The following DMC1 variants were observed in gnomAD, a reference collection of about 807,000 sequenced individuals.
DMC1 encodes DNA meiotic recombinase 1.
In DMC1, 27 loss-of-function variants were observed where a neutral mutation model predicts 50.1. The ratio of observed to expected loss-of-function variants is 0.54; its 90% CI spans 0.40 to 0.74. The LOEUF (loss-of-function observed/expected upper bound fraction) is 0.74. DMC1 is among the 30% of genes least tolerant of loss of function. The pLI is 0.00. For synonymous variants in DMC1, 148 were observed against 136.1 expected (o/e 1.09, Z -0.61); for missense variants, 295 against 420.2 (o/e 0.70, Z 2.60).
At chr22:38,549,111 A>G (rs2090375878) in intron 8 of DMC1, among the ~76,000 whole-genome samples, 7 of 152,154 alleles carry the variant, frequency 4.6e-5, no homozygotes, top group Admixed American at 4.6e-4. Context: ...CTTGCCTAGA[A>G]TATTGCTAAA....
chr22:38,515,009 A>T (rs62228901), downstream of DMC1, among the ~76,000 whole-genome samples: 2 of 146,934 alleles, frequency 1.4e-5, no homozygotes, highest in African/African-American at 5.1e-5. Context: ...CTGGGACTAC[A>T]GGTGCCAGCC....
intron 8 of DMC1, among the ~76,000 whole-genome samples, chr22:38,545,273 TG>T (rs2090331094): frequency 1.3e-5 from 2 of 152,044 alleles, no homozygotes; most frequent in African/African-American, 4.8e-5. Context: ...TAGCTGGGCA[TG>T]GTGGCACGCA....
chr22:38,513,056 G>C, the DMC1 span, among the ~76,000 whole-genome samples: 1 of 151,766 alleles, frequency 6.6e-6, no homozygotes, highest in African/African-American at 2.4e-5. Context: ...TGCACTCCAG[G>C]CTGGGTGACA....
rs1481396961 is a variant in DMC1, at chr22:38,568,208, C to T, written c.49G>A (p.Glu17Lys). 3 of 1,613,952 alleles carry T rather than the reference C, an allele frequency of 1.9e-6. No homozygotes were observed. In the East Asian group the frequency reaches 6.7e-5, roughly 36 times the overall value. ...ATCTTTCAACATTTTAGTCATACCT[C>T]TTCATCTTGGAATCCTGGTTCTTCC... ...VAEEPGFQDE[E>K]ESLFQDIDLL... Residue 17 changes from glutamate to lysine, a missense_variant and splice_region_variant, in exon 2 of 14, where the codon GAG becomes AAG. Glu to Lys is a moderately conservative substitution (Grantham distance 56, BLOSUM62 1). Transcript: ENST00000216024.
intron 12 of DMC1, among the ~76,000 whole-genome samples, chr22:38,527,406 T>C (rs767614572): frequency 2.0e-5 from 3 of 151,960 alleles, no homozygotes; most frequent in Non-Finnish European, 4.4e-5. Context: ...AGATTCACCA[T>C]GTTGGCCAGG....
At chr22:38,558,082 C>T (rs897728484) in intron 5 of DMC1, among the ~76,000 whole-genome samples, 3 of 149,972 alleles carry the variant, frequency 2.0e-5, no homozygotes, top group African/African-American at 7.4e-5. Flanking sequence ...CTGCATCAGC[C>T]TCCTGAGTAG....
intron 8 of DMC1, chr22:38,545,794 C>A (rs1472157679): frequency 6.6e-6 from 1 of 152,070 alleles, no homozygotes; most frequent in Non-Finnish European, 1.5e-5. Context: ...ATTTATTAAC[C>A]AATTACCATA....
intron 8 of DMC1, among the ~76,000 whole-genome samples, chr22:38,544,903 A>G (rs1160573573): frequency 5.9e-5 from 9 of 151,572 alleles, no homozygotes; most frequent in African/African-American, 2.2e-4. Flanking sequence ...AAGTGCTGGG[A>G]TTACAGGCAT....
At chr22:38,531,203 C>G (rs1490570034) in intron 12 of DMC1, among the ~76,000 whole-genome samples, 1 of 152,138 alleles carries the variant, frequency 6.6e-6, no homozygotes, top group East Asian at 1.9e-4. Context: ...TGTTGTTCAT[C>G]TTGTTATTTG....
intron 5 of DMC1, among the ~76,000 whole-genome samples, chr22:38,559,695 G>C (rs938212662): frequency 1.3e-5 from 2 of 151,966 alleles, no homozygotes; most frequent in Non-Finnish European, 2.9e-5. Context: ...TTTCTCTCAC[G>C]AAGTTTACAA....
At chr22:38,567,469 A>G (rs374331911) in intron 3 of DMC1, 114 bp downstream of exon 3, 1 of 876,330 alleles carries the variant, frequency 1.1e-6, no homozygotes, top group African/African-American at 1.6e-5. Context: ...AACACCCTAC[A>G]ATGCACAGGA....
downstream of DMC1, among the ~76,000 whole-genome samples, chr22:38,518,661 G>A (rs1264320807): frequency 1.3e-5 from 2 of 151,910 alleles, no homozygotes; most frequent in Non-Finnish European, 2.9e-5. Flanking sequence ...TTCCTGAGTA[G>A]CTGGGACCTC....
chr22:38,544,759 G>A (rs1381310769), intron 8 of DMC1, among the ~76,000 whole-genome samples: 2 of 151,062 alleles, frequency 1.3e-5, no homozygotes, highest in Non-Finnish European at 2.9e-5. Flanking sequence ...CTGAGTAGCT[G>A]GGACTACAGG....
rs35690372 is a variant in DMC1, at chr22:38,553,956, C to CAA, written c.380-1251_380-1250dup. Reference sequence around the variant, plus strand: ...GGGCAACAGAGCGAGACTCCATCTCCAAAAAAAAAAAAAAAAAAAAAAAAA... The same window carrying CAA: ...GGGCAACAGAGCGAGACTCCATCTCCAAAAAAAAAAAAAAAAAAAAAAAAAAA... On this transcript the variant is annotated intron_variant, in intron 6 of 13. Transcript: ENST00000216024. Among the ~76,000 whole-genome samples, 115 of 34,766 alleles carry CAA rather than the reference C, an allele frequency of 3.3e-3. 8 individuals are homozygous for CAA. Among genetic ancestry groups the CAA allele is most frequent in the African/African-American group, 7.8e-3 (71 of 9,068 alleles). 22.8% of individuals were successfully genotyped at this position (34,766 alleles called of 152,430 possible).
intron 8 of DMC1, among the ~76,000 whole-genome samples, chr22:38,541,140 A>G (rs2090276511): frequency 6.6e-6 from 1 of 152,094 alleles, no homozygotes; most frequent in East Asian, 1.9e-4. Flanking sequence ...CCAAACCTCC[A>G]TGATTTAGCA....
rs1316932302 is a variant in DMC1, at chr22:38,519,340, G to A, written c.*680C>T. The A allele has an allele frequency of 6.6e-6, 1 of 152,644 alleles. No individual in the cohort carries two copies. The highest frequency in any genetic ancestry group is 6.5e-5 in the Admixed American group (1 of 15,316). The allele number at this position is 152,644 out of a possible 1,614,324, so 9.5% of individuals were successfully genotyped here. ...GCCTCCCAAAGTGCTGGGATTACAG[G>A]TGTGAGCCACCACGCCCAGCCATAA... On this transcript the variant is annotated 3_prime_UTR_variant, in exon 14 of 14. Transcript: ENST00000216024.
At chr22:38,547,956 T>C (rs1049571676) in intron 8 of DMC1, among the ~76,000 whole-genome samples, 4 of 152,226 alleles carry the variant, frequency 2.6e-5, no homozygotes, top group African/African-American at 7.2e-5. Context: ...TTTGAACTTA[T>C]AATGATCTTT....
intron 8 of DMC1, among the ~76,000 whole-genome samples, chr22:38,540,753 A>G (rs2090272280): frequency 6.6e-6 from 1 of 152,164 alleles, no homozygotes; most frequent in Middle Eastern, 3.2e-3. Context: ...TACCCAGTAG[A>G]TGTTTTTGGT....
Position 38,539,348 on chromosome 22 carries a change from T to C in DMC1, c.559A>G (p.Asn187Asp). ...GTATATGCACGTGCATAAAGTACGT[T>C]GTCCAGTACTGCATCATGGTCTACA... ...FNVDHDAVLDNVLYARAYTSE... is the reference protein window; with the variant it reads ...FNVDHDAVLDDVLYARAYTSE... The change falls in exon 9 of 14, where the codon AAC becomes GAC. Residue 187 changes from asparagine (N) to aspartate (D), a missense_variant. Transcript: ENST00000216024. 6.2e-7 allele frequency: 1 copy of C among 1,614,040 alleles called. No individual in the cohort carries two copies. Among genetic ancestry groups the C allele is most frequent in the African/African-American group, 1.3e-5 (1 of 75,062 alleles).
Sources: allele counts gnomAD v4.1 joint callset (sites outside exome capture counted in the v4.1 genomes callset), GRCh38; gene constraint gnomAD v4.1.1; transcripts MANE v1.5; gene names NCBI Gene and HGNC (gene_info 2026-07-23, HGNC 2026-07-21).